The following MYT1L variants were observed in gnomAD, a reference collection of about 807,000 sequenced individuals.
The protein encoded by MYT1L is myelin transcription factor 1-like protein.
MYT1L carries 12 observed loss-of-function variants against 126.7 expected under a neutral mutation model. The ratio of observed to expected loss-of-function variants is 0.09; its 90% CI spans 0.06 to 0.15. The LOEUF (loss-of-function observed/expected upper bound fraction) is 0.15, where lower values mean the gene tolerates loss of function less well. Ranked by LOEUF, MYT1L falls within the 10% of genes least tolerant of loss-of-function variation. The pLI is 1.00. For missense variants in MYT1L, 979 were observed against 1,585.2 expected (o/e 0.62, Z 6.49); for synonymous variants, 541 against 604.2 (o/e 0.90, Z 1.53).
Position 1,801,028 on chromosome 2 carries a change from T to C in MYT1L, c.3276+668A>G, listed in dbSNP as rs1248539905. On this transcript the variant is annotated intron_variant, in intron 23 of 24. Transcript: ENST00000647738. This position sits in a 1 kb window ranked among gnomAD's most constrained non-coding sequence, Gnocchi z 4.2. ...GACCCTAACACAGCAAGGTGGGGGA[T>C]GCCAGGCACAAGGCTCATGGTCAGA... Among the ~76,000 whole-genome samples, 2 of 152,204 alleles carry C rather than the reference T, an allele frequency of 1.3e-5. No individual in the cohort carries two copies. The highest frequency in any genetic ancestry group is 2.9e-5 in the Non-Finnish European group (2 of 68,032).
At chr2:1,864,985 C>A (rs1232372057) in intron 18 of MYT1L, among the ~76,000 whole-genome samples, 1 of 152,214 alleles carries the variant, frequency 6.6e-6, no homozygotes, top group Middle Eastern at 3.2e-3. Flanking sequence ...TAGGCTCTGG[C>A]TTTTCCTGTC....
In MYT1L at chr2:2,262,404, A is replaced by G. The variant is rs531512292; in HGVS notation, c.-421+22000T>C. On this transcript the variant is annotated intron_variant, in intron 2 of 24. Coordinates refer to ENST00000647738, the MANE Select transcript of MYT1L (RefSeq NM_001303052.2). ...ACAAACAACAACAAAAAAAAACCAA[A>G]TAATTAGGCAGGGCGCGGTGGCTCA... 3.5e-3 allele frequency among the ~76,000 whole-genome samples: 526 copies of G among 151,894 alleles called. 1 individual carries two copies. The highest frequency in any genetic ancestry group is 6.0e-3 in the South Asian group (29 of 4,810).
intron 3 of MYT1L, among the ~76,000 whole-genome samples, chr2:2,058,502 C>T (rs1266537468): frequency 1.3e-5 from 2 of 152,136 alleles, no homozygotes; most frequent in Non-Finnish European, 2.9e-5. Flanking sequence ...TTCTGTCTTT[C>T]CCCACGGAAA....
chr2:2,154,376 T>C lies in MYT1L; in HGVS notation c.-304+18496A>G, dbSNP rs185931493. 1.3e-3 allele frequency among the ~76,000 whole-genome samples: 199 copies of C among 152,264 alleles called. 1 individual carries two copies. The highest frequency in any genetic ancestry group is 4.7e-3 in the African/African-American group (195 of 41,560). ...AAACTAAGGAATAAAGAATAGATAC[T>C]AGAGTCTATTCATTGCAGCACTATT... On this transcript the variant is annotated intron_variant, in intron 3 of 24. Transcript: ENST00000647738.
chr2:2,083,422 T>C (rs549088368), intron 3 of MYT1L, among the ~76,000 whole-genome samples: 5 of 152,314 alleles, frequency 3.3e-5, no homozygotes, highest in Admixed American at 2.6e-4. Flanking sequence ...ACAGCTGTCT[T>C]CACCTTTTTC....
intron 5 of MYT1L, among the ~76,000 whole-genome samples, chr2:1,992,146 C>T (rs111668024): frequency 1.7e-4 from 26 of 152,256 alleles, no homozygotes; most frequent in African/African-American, 5.5e-4. Context: ...TATTAGACAT[C>T]GGTTTTTCTG....
At chr2:2,126,472 G>C (rs149372601) in intron 3 of MYT1L, among the ~76,000 whole-genome samples, 1 of 152,148 alleles carries the variant, frequency 6.6e-6, no homozygotes, top group East Asian at 1.9e-4. Flanking sequence ...AGAAAGAAGA[G>C]GGTCATGACC....
intron 3 of MYT1L, among the ~76,000 whole-genome samples, chr2:2,089,731 C>G (rs1440081076): frequency 6.6e-6 from 1 of 152,110 alleles, no homozygotes; most frequent in Non-Finnish European, 1.5e-5. Context: ...TTATCTTCCT[C>G]TCTCTGTCTC....
intron 8 of MYT1L, among the ~76,000 whole-genome samples, chr2:1,956,712 G>A (rs2058511726): frequency 6.6e-6 from 1 of 151,328 alleles, no homozygotes; most frequent in South Asian, 2.1e-4. Context: ...TTCTAAACTT[G>A]ACAAGTTGAC....
chr2:2,155,422 T>C (rs1416404002), intron 3 of MYT1L, among the ~76,000 whole-genome samples: 1 of 152,148 alleles, frequency 6.6e-6, no homozygotes, highest in African/African-American at 2.4e-5. Flanking sequence ...TATTTTTCTG[T>C]CTATTAACAC....
At chr2:2,110,552 GTCCCTCCC>G (rs71402135) in intron 3 of MYT1L, among the ~76,000 whole-genome samples, 1 of 148,796 alleles carries the variant, frequency 6.7e-6, no homozygotes, top group Admixed American at 6.7e-5. Flanking sequence ...CTCTGTCCCT[GTCCCTCCC>G]TCCCTCCCTC....
intron 2 of MYT1L, among the ~76,000 whole-genome samples, chr2:2,186,562 C>G (rs1010242870): frequency 2.0e-5 from 3 of 152,212 alleles, no homozygotes; most frequent in African/African-American, 7.2e-5. Context: ...CTGCGAGAGG[C>G]ATTTGTAAAG....
At chr2:2,120,126 C>T (rs946528228) in intron 3 of MYT1L, among the ~76,000 whole-genome samples, 1 of 152,156 alleles carries the variant, frequency 6.6e-6, no homozygotes, top group Admixed American at 6.5e-5. Flanking sequence ...GTCTAGATCG[C>T]CGGCATGCCT....
At chr2:2,043,410 C>T (rs2067781700) in intron 4 of MYT1L, among the ~76,000 whole-genome samples, 1 of 152,266 alleles carries the variant, frequency 6.6e-6, no homozygotes, top group East Asian at 1.9e-4. Flanking sequence ...TTAAAAGGGG[C>T]CTCAGAACCA....
At chr2:2,044,880 C>T (rs2067986147) in intron 4 of MYT1L, among the ~76,000 whole-genome samples, 3 of 152,194 alleles carry the variant, frequency 2.0e-5, no homozygotes, top group Non-Finnish European at 4.4e-5. Flanking sequence ...TATCACTGAA[C>T]AGAATGACAT....
At chr2:1,966,867 G>C (rs2059404643) in intron 8 of MYT1L, among the ~76,000 whole-genome samples, 1 of 152,046 alleles carries the variant, frequency 6.6e-6, no homozygotes, top group African/African-American at 2.4e-5. Context: ...TAAAAAATCA[G>C]AGGAAAAATC....
At chr2:2,006,764 CG>C (rs768541098) in intron 4 of MYT1L, among the ~76,000 whole-genome samples, 12 of 151,722 alleles carry the variant, frequency 7.9e-5, no homozygotes, top group Non-Finnish European at 1.6e-4. Flanking sequence ...TTAGTAGAGA[CG>C]GGGTTTCACC....
At chr2:1,932,127 G>T (rs2055086819) in intron 9 of MYT1L, among the ~76,000 whole-genome samples, 1 of 152,192 alleles carries the variant, frequency 6.6e-6, no homozygotes, top group African/African-American at 2.4e-5. Flanking sequence ...CACTGGCTCA[G>T]GTTTTGGAAG....
intron 9 of MYT1L, among the ~76,000 whole-genome samples, chr2:1,923,895 A>G (rs1042700920): frequency 6.6e-6 from 1 of 152,252 alleles, no homozygotes; most frequent in African/African-American, 2.4e-5. Context: ...CATGATACAC[A>G]GTGAAACAAC....
Sources: gnomAD v4.1 joint callset for allele counts (sites outside exome capture counted in the v4.1 genomes callset) on GRCh38, gnomAD v4.1.1 for gene constraint, Gnocchi (gnomAD v3.1) non-coding constraint, MANE v1.5 for transcripts, NCBI Gene and HGNC (gene_info 2026-07-23, HGNC 2026-07-21) for gene names.